CADPS2: variants seen among roughly 807,000 people sequenced by gnomAD.
CADPS2 encodes calcium dependent secretion activator 2.
In CADPS2, 93 loss-of-function variants were observed where a neutral mutation model predicts 172.5. The ratio of observed to expected loss-of-function variants is 0.54; its 90% confidence interval spans 0.46 to 0.64. CADPS2 has a LOEUF of 0.64. CADPS2 is among the 30% of genes least tolerant of loss of function. The probability of loss-of-function intolerance (pLI) is 0.00; values close to 1 mark genes in which losing one functional copy is unlikely to be tolerated. For missense variants in CADPS2, 1,420 were observed against 1,565.9 expected (o/e 0.91, Z 1.57); for synonymous variants, 546 against 555.2 (o/e 0.98, Z 0.23).
At chr7:122,842,560 A>G (rs1410560124) in intron 1 of CADPS2, among the ~76,000 whole-genome samples, 1 of 152,200 alleles carries the variant, frequency 6.6e-6, no homozygotes, top group East Asian at 1.9e-4. Flanking sequence ...GACCAACAAT[A>G]TGATAATACA....
chr7:122,727,457 T>C (rs949883520), intron 2 of CADPS2, among the ~76,000 whole-genome samples: 3 of 151,626 alleles, frequency 2.0e-5, no homozygotes, highest in East Asian at 3.9e-4. Context: ...TATATAGATG[T>C]ACTATCCTTT....
intron 29 of CADPS2, among the ~76,000 whole-genome samples, chr7:122,324,604 A>T (rs1431309325): frequency 6.6e-6 from 1 of 152,112 alleles, no homozygotes; most frequent in Non-Finnish European, 1.5e-5. Flanking sequence ...ACTACTGTGT[A>T]TACTCATATA....
intron 8 of CADPS2, among the ~76,000 whole-genome samples, chr7:122,522,573 A>C (rs544646512): frequency 8.5e-5 from 13 of 152,110 alleles, no homozygotes; most frequent in Non-Finnish European, 1.6e-4. Context: ...GAACATTTCA[A>C]ATCTTCTCTT....
At chr7:122,689,257 C>T (rs2084018387) in intron 2 of CADPS2, among the ~76,000 whole-genome samples, 1 of 152,162 alleles carries the variant, frequency 6.6e-6, no homozygotes, top group South Asian at 2.1e-4. Flanking sequence ...CCATTATGTT[C>T]TGGTGGTTGT....
At chr7:122,697,801 T>C in intron 2 of CADPS2, 2 of 1,581,374 alleles carry the variant, frequency 1.3e-6, no homozygotes, top group Non-Finnish European at 1.7e-6. Context: ...AGGTGAAGGA[T>C]GAACATCTTC....
intron 2 of CADPS2, among the ~76,000 whole-genome samples, chr7:122,724,457 A>G (rs1222949973): frequency 6.6e-6 from 1 of 152,082 alleles, no homozygotes; most frequent in Middle Eastern, 3.2e-3. Flanking sequence ...ATGATAATAT[A>G]AATTAAGTGC....
At chr7:122,702,497 G>A in intron 2 of CADPS2, 1 of 1,613,624 alleles carries the variant, frequency 6.2e-7, no homozygotes. Context: ...AGGATGACAG[G>A]CATTCTGATT....
intron 17 of CADPS2, among the ~76,000 whole-genome samples, chr7:122,418,651 G>C (rs553569562): frequency 6.6e-6 from 1 of 152,282 alleles, no homozygotes; most frequent in South Asian, 2.1e-4. Context: ...AGAAGGGAAA[G>C]ATGCACAGAC....
At chr7:122,568,903 G>A (rs1241240643) in intron 7 of CADPS2, among the ~76,000 whole-genome samples, 4 of 152,098 alleles carry the variant, frequency 2.6e-5, no homozygotes, top group Admixed American at 2.6e-4. Context: ...AGCTATCTAT[G>A]ACAAACCCAC....
chr7:122,449,678 T>C (rs1256859144), intron 15 of CADPS2, among the ~76,000 whole-genome samples: 1 of 152,212 alleles, frequency 6.6e-6, no homozygotes, highest in East Asian at 1.9e-4. Flanking sequence ...TAATTTTTTA[T>C]GTCTTCATTT....
chr7:122,817,785 C>T (rs1801920107), intron 1 of CADPS2, among the ~76,000 whole-genome samples: 1 of 152,014 alleles, frequency 6.6e-6, no homozygotes. Flanking sequence ...TTACCCCAAC[C>T]TCGTATCTCT....
At chr7:122,858,165 G>T (rs979202878) in intron 1 of CADPS2, among the ~76,000 whole-genome samples, 1 of 151,992 alleles carries the variant, frequency 6.6e-6, no homozygotes, top group African/African-American at 2.4e-5. Context: ...GTGCCAATTG[G>T]TCCATTTAAC....
At chr7:122,712,643 C>T (rs556677354) in intron 2 of CADPS2, among the ~76,000 whole-genome samples, 1 of 152,174 alleles carries the variant, frequency 6.6e-6, no homozygotes, top group Non-Finnish European at 1.5e-5. Flanking sequence ...CAGAGAAGCA[C>T]AGTATCTTAG....
chr7:122,623,280 T>C (rs992546455), intron 4 of CADPS2, among the ~76,000 whole-genome samples: 3 of 151,934 alleles, frequency 2.0e-5, no homozygotes, highest in African/African-American at 7.3e-5. Flanking sequence ...ATTTTTTCAG[T>C]ACAAGCAAAG....
At chr7:122,686,869 G>C (rs1051174155) in intron 2 of CADPS2, among the ~76,000 whole-genome samples, 3 of 152,204 alleles carry the variant, frequency 2.0e-5, no homozygotes, top group East Asian at 3.9e-4. Flanking sequence ...ATTTTTAGTA[G>C]AGACGGGGTT....
At chr7:122,705,673 T>TCACATATTA (rs2086962488) in intron 2 of CADPS2, among the ~76,000 whole-genome samples, 1 of 81,998 alleles carries the variant, frequency 1.2e-5, no homozygotes, top group African/African-American at 5.1e-5. Context: ...ATATAATATA[T>TCACATATTA]TATATAATAT....
chr7:122,529,149 C>A (rs552778645), intron 8 of CADPS2, among the ~76,000 whole-genome samples: 94 of 152,154 alleles, frequency 6.2e-4, no homozygotes, highest in African/African-American at 1.9e-3. Context: ...TCCTTATAAA[C>A]CACTCCGAAA....
chr7:122,698,789 T>C (rs769063800), intron 2 of CADPS2: 7 of 1,613,988 alleles, frequency 4.3e-6, no homozygotes, highest in Non-Finnish European at 4.2e-6. Flanking sequence ...TGAAATGATA[T>C]GTTCATATAA....
chr7:122,656,164 G>A (rs2079755583), intron 3 of CADPS2, among the ~76,000 whole-genome samples: 1 of 152,088 alleles, frequency 6.6e-6, no homozygotes, highest in African/African-American at 2.4e-5. Flanking sequence ...AATTCCTGGA[G>A]CCACAATCAT....
Sources: allele counts gnomAD v4.1 joint callset (sites outside exome capture counted in the v4.1 genomes callset), GRCh38; gene constraint gnomAD v4.1.1; transcripts MANE v1.5; gene names NCBI Gene and HGNC (gene_info 2026-07-23, HGNC 2026-07-21).